TCF7L1: variants seen among roughly 807,000 people sequenced by gnomAD.
The protein encoded by TCF7L1 is transcription factor 7-like 1.
A neutral mutation model predicts 63.7 loss-of-function variants in TCF7L1; 18 were observed. The observed-to-expected ratio is 0.28, with a 90% CI of 0.20 to 0.42. The LOEUF (loss-of-function observed/expected upper bound fraction) is 0.42. Ranked by LOEUF, TCF7L1 falls within the 10% of genes least tolerant of loss-of-function variation. The pLI is 1.00. For synonymous variants in TCF7L1, 355 were observed against 340.9 expected (o/e 1.04, Z -0.46); for missense variants, 654 against 779.3 (o/e 0.84, Z 1.91).
intron 3 of TCF7L1, among the ~76,000 whole-genome samples, chr2:85,257,247 A>C (rs1666376553): frequency 6.6e-6 from 1 of 152,154 alleles, no homozygotes; most frequent in Admixed American, 6.6e-5. Flanking sequence ...AGATTTGTGT[A>C]CTTGCTTATG....
chr2:85,295,822 G>C (rs1462071395), intron 4 of TCF7L1, among the ~76,000 whole-genome samples: 1 of 118,680 alleles, frequency 8.4e-6, no homozygotes, highest in Non-Finnish European at 1.6e-5. Flanking sequence ...CTGTCGCCCA[G>C]GCTGGAGTGC....
intron 3 of TCF7L1, among the ~76,000 whole-genome samples, chr2:85,190,557 C>G (rs1679020478): frequency 6.6e-6 from 1 of 152,088 alleles, no homozygotes; most frequent in African/African-American, 2.4e-5. Context: ...GCAGCCAACA[C>G]CCTGGGAACC....
intron 3 of TCF7L1, among the ~76,000 whole-genome samples, chr2:85,136,906 G>A (rs1677608600): frequency 6.6e-6 from 1 of 152,146 alleles, no homozygotes; most frequent in Non-Finnish European, 1.5e-5. Flanking sequence ...TAGGCAAATG[G>A]TAGGTACAGA....
chr2:85,254,866 GTCT>G (rs890128734), intron 3 of TCF7L1, among the ~76,000 whole-genome samples: 48 of 152,284 alleles, frequency 3.2e-4, no homozygotes, highest in African/African-American at 1.1e-3. Context: ...AAGCCACAAG[GTCT>G]TCTGAGGGTC....
intron 3 of TCF7L1, among the ~76,000 whole-genome samples, chr2:85,254,443 C>T (rs77254788): frequency 0.02 from 3,031 of 152,328 alleles, 93 homozygotes; most frequent in African/African-American, 0.069. Context: ...CTTTTTCCTG[C>T]ATTGGGGGGG....
intron 3 of TCF7L1, among the ~76,000 whole-genome samples, chr2:85,249,471 CT>C (rs978595350): frequency 1.3e-5 from 2 of 152,140 alleles, no homozygotes; most frequent in African/African-American, 4.8e-5. Context: ...TGCCTCTTTC[CT>C]TTTTTTCCCT....
chr2:85,281,822 G>A, intron 3 of TCF7L1, among the ~76,000 whole-genome samples: 1 of 152,172 alleles, frequency 6.6e-6, no homozygotes, highest in East Asian at 1.9e-4. Flanking sequence ...CTTTTTGAAA[G>A]CCCAGTCAGT....
At chr2:85,278,831 G>A (rs536547279) in intron 3 of TCF7L1, among the ~76,000 whole-genome samples, 71 of 152,242 alleles carry the variant, frequency 4.7e-4, no homozygotes, top group Middle Eastern at 3.2e-3. Context: ...AGTACCTGCC[G>A]TTTGGGTTTG....
chr2:85,246,804 T>C (rs941275216), intron 3 of TCF7L1, among the ~76,000 whole-genome samples: 1 of 152,238 alleles, frequency 6.6e-6, no homozygotes, highest in African/African-American at 2.4e-5. Context: ...GTCTAGTCAT[T>C]ATCTGATACA....
intron 3 of TCF7L1, among the ~76,000 whole-genome samples, chr2:85,147,402 C>A (rs1024267738): frequency 5.9e-5 from 9 of 152,144 alleles, no homozygotes; most frequent in Non-Finnish European, 1.2e-4. Context: ...ACTCTTTCCC[C>A]ACCCCTCCCC....
At chr2:85,301,328 C>A (rs1681967732) in intron 4 of TCF7L1, among the ~76,000 whole-genome samples, 1 of 152,136 alleles carries the variant, frequency 6.6e-6, no homozygotes, top group African/African-American at 2.4e-5. Context: ...GGGCTGTTCC[C>A]TCATCTCTGG....
chr2:85,255,190 C>A (rs1680681087), intron 3 of TCF7L1, among the ~76,000 whole-genome samples: 1 of 152,178 alleles, frequency 6.6e-6, no homozygotes, highest in Non-Finnish European at 1.5e-5. Context: ...TGCATCTTAA[C>A]AGGATCCTCA....
chr2:85,171,353 T>TG (rs1340433624), intron 3 of TCF7L1, among the ~76,000 whole-genome samples: 1 of 152,202 alleles, frequency 6.6e-6, no homozygotes, highest in Non-Finnish European at 1.5e-5. Flanking sequence ...CAGAATGATT[T>TG]GGGGGTGCTG....
chr2:85,276,757 G>A (rs990629047), intron 3 of TCF7L1, among the ~76,000 whole-genome samples: 1 of 152,156 alleles, frequency 6.6e-6, no homozygotes, highest in East Asian at 1.9e-4. Flanking sequence ...TGATTGCCGG[G>A]TTCTGGGTGA....
At chr2:85,173,806 G>T (rs528033409) in intron 3 of TCF7L1, among the ~76,000 whole-genome samples, 14 of 151,794 alleles carry the variant, frequency 9.2e-5, no homozygotes, top group Admixed American at 8.5e-4. Flanking sequence ...GCGCGATCTC[G>T]GCTCACTGCA....
intron 3 of TCF7L1, among the ~76,000 whole-genome samples, chr2:85,268,745 A>G (rs1260085911): frequency 2.1e-4 from 31 of 147,954 alleles, no homozygotes; most frequent in Admixed American, 8.3e-4. Flanking sequence ...CCCAGCCTGG[A>G]TGCCTTTCTG....
At chr2:85,300,900 C>T (rs1681955295) in intron 4 of TCF7L1, among the ~76,000 whole-genome samples, 2 of 151,948 alleles carry the variant, frequency 1.3e-5, no homozygotes, top group Non-Finnish European at 2.9e-5. Flanking sequence ...CTGCCTCAGC[C>T]TCCTGGGTAG....
In TCF7L1 at chr2:85,303,950, C is replaced by T. The variant is rs751334036; in HGVS notation, c.714C>T (p.Pro238=). 7 of 1,613,892 alleles carry T rather than the reference C, an allele frequency of 4.3e-6. No homozygotes were observed. Among genetic ancestry groups the T allele is most frequent in the East Asian group, 2.2e-5 (1 of 44,874 alleles). Reference sequence around the variant, plus strand: ...TGTCACCGTATTACCCACTCTCTCCCGGAGCTGTCGGACAAATCCCCCACC... The same window carrying T: ...TGTCACCGTATTACCCACTCTCTCCTGGAGCTGTCGGACAAATCCCCCACC... ...SELSPYYPLS[P]GAVGQIPHPL... The change falls in exon 6 of 12, where the codon CCC becomes CCT. Residue 238 remains proline, a synonymous_variant. Transcript: ENST00000282111.
intron 3 of TCF7L1, among the ~76,000 whole-genome samples, chr2:85,274,941 C>T (rs1424778063): frequency 6.6e-6 from 1 of 152,160 alleles, no homozygotes; most frequent in African/African-American, 2.4e-5. Flanking sequence ...GTGTGACAGC[C>T]ACACGTGAGA....
Sources: gnomAD v4.1 joint callset for allele counts (sites outside exome capture counted in the v4.1 genomes callset) on GRCh38, gnomAD v4.1.1 for gene constraint, MANE v1.5 for transcripts, NCBI Gene and HGNC (gene_info 2026-07-23, HGNC 2026-07-21) for gene names.